Variants in AOPEP observed in about 807,000 individuals in gnomAD.
The protein encoded by AOPEP is aminopeptidase O.
AOPEP carries 77 observed loss-of-function variants against 98.1 expected under a neutral mutation model. That is an observed-to-expected ratio of 0.78 (90% confidence interval 0.65 to 0.95). The LOEUF (loss-of-function observed/expected upper bound fraction) is 0.95. Ranked by LOEUF, AOPEP falls within the 40% of genes least tolerant of loss-of-function variation. The pLI, the probability that AOPEP is intolerant of heterozygous loss-of-function variation, is 0.00. For missense variants in AOPEP, 1,024 were observed against 1,024.7 expected (o/e 1.00, Z 0.01); for synonymous variants, 346 against 365.3 (o/e 0.95, Z 0.60).
At chr9:95,102,320 G>A in the AOPEP span, among the ~76,000 whole-genome samples, 10 of 152,294 alleles carry the variant, frequency 6.6e-5, no homozygotes, top group Admixed American at 1.3e-4. Flanking sequence ...GCTAGCAACC[G>A]GACCTACTTG....
the AOPEP span, chr9:95,099,265 T>G: frequency 4.6e-6 from 1 of 219,484 alleles, no homozygotes; most frequent in Non-Finnish European, 9.1e-6. Context: ...TCAGGGAGAG[T>G]CTACAAAAAC....
intron 5 of AOPEP, among the ~76,000 whole-genome samples, chr9:94,822,691 A>G (rs1286438765): frequency 1.3e-5 from 2 of 152,202 alleles, no homozygotes; most frequent in African/African-American, 4.8e-5. Flanking sequence ...CTGAAACCAG[A>G]CACAACAAGC....
At chr9:95,119,887 T>C in the AOPEP span, among the ~76,000 whole-genome samples, 7 of 152,140 alleles carry the variant, frequency 4.6e-5, no homozygotes, top group Admixed American at 6.5e-5. Context: ...AAATTTTGTA[T>C]TTTTTGTAGA....
intron 14 of AOPEP, 117 bp downstream of exon 14, chr9:95,060,927 T>G: frequency 1.4e-6 from 1 of 728,504 alleles, no homozygotes. Context: ...AAATCTCATG[T>G]GTTTGCTGTA....
intron 5 of AOPEP, among the ~76,000 whole-genome samples, chr9:94,864,064 A>T (rs1011336924): frequency 3.3e-5 from 5 of 152,184 alleles, no homozygotes; most frequent in African/African-American, 1.2e-4. Context: ...ATTTGGATGA[A>T]ATAAGGTATG....
chr9:94,731,620 C>T (rs2131682057), intron 1 of AOPEP, among the ~76,000 whole-genome samples: 1 of 152,010 alleles, frequency 6.6e-6, no homozygotes, highest in South Asian at 2.1e-4. Context: ...CTCCAAAAAG[C>T]CCTGGTTTCT....
At position 95,031,177 on chromosome 9, in the gene AOPEP, A is replaced by G. The variant is rs367888926; in HGVS notation, c.2115+25561A>G. 7.3e-4 allele frequency among the ~76,000 whole-genome samples: 111 copies of G among 152,336 alleles called. 1 individual carries two copies. In the South Asian group the frequency reaches 0.022, roughly 30 times the overall value. On this transcript the variant is annotated intron_variant, in intron 13 of 16. Transcript: ENST00000375315. Reference sequence around the variant, plus strand: ...TGAGCTCTGGTGGTGTTAACAGCACAAAGTGTTAAATATAAATATGCGTGG... The same window carrying G: ...TGAGCTCTGGTGGTGTTAACAGCACGAAGTGTTAAATATAAATATGCGTGG...
chr9:95,034,979 C>CTTTTTT (rs34875677), intron 13 of AOPEP, among the ~76,000 whole-genome samples: 2 of 144,600 alleles, frequency 1.4e-5, no homozygotes. Context: ...TTTCTTTTTT[C>CTTTTTT]TTTTTTTTTT....
intron 7 of AOPEP, among the ~76,000 whole-genome samples, chr9:94,941,654 G>A (rs898012568): frequency 2.0e-5 from 3 of 152,192 alleles, no homozygotes; most frequent in African/African-American, 7.2e-5. Flanking sequence ...TGACAGACAT[G>A]TCCTGAATAA....
At chr9:95,140,871 A>G in the AOPEP span, among the ~76,000 whole-genome samples, 1 of 152,150 alleles carries the variant, frequency 6.6e-6, no homozygotes, top group Non-Finnish European at 1.5e-5. Flanking sequence ...ACTTCTCAAA[A>G]GGCAGCCACC....
intron 13 of AOPEP, among the ~76,000 whole-genome samples, chr9:95,044,591 G>A (rs150052593): frequency 1.3e-5 from 2 of 152,336 alleles, no homozygotes; most frequent in African/African-American, 4.8e-5. Context: ...CTTGAAAAAC[G>A]TGACCCCTTG....
intron 5 of AOPEP, among the ~76,000 whole-genome samples, chr9:94,905,041 C>T (rs2050928850): frequency 3.3e-5 from 5 of 152,312 alleles, no homozygotes; most frequent in Admixed American, 3.3e-4. Context: ...GGGGGTTTGA[C>T]AGCATGAATG....
intron 5 of AOPEP, among the ~76,000 whole-genome samples, chr9:94,906,866 G>A (rs530891730): frequency 5.9e-5 from 9 of 152,234 alleles, no homozygotes; most frequent in East Asian, 5.8e-4. Flanking sequence ...TCTATGTCCT[G>A]TTTGCCCAAC....
chr9:95,078,493 T>TA (rs1246020053), intron 14 of AOPEP, among the ~76,000 whole-genome samples: 1 of 152,238 alleles, frequency 6.6e-6, no homozygotes, highest in Non-Finnish European at 1.5e-5. Context: ...TAGAACACTT[T>TA]AAAGAACACT....
At chr9:94,768,934 C>T (rs1283259128) in intron 2 of AOPEP, among the ~76,000 whole-genome samples, 1 of 152,252 alleles carries the variant, frequency 6.6e-6, no homozygotes, top group African/African-American at 2.4e-5. Flanking sequence ...GGCCGAGGTG[C>T]AAGGCTGTGC....
chr9:95,063,309 G>T (rs1162214336), intron 14 of AOPEP, among the ~76,000 whole-genome samples: 2 of 152,226 alleles, frequency 1.3e-5, no homozygotes, highest in East Asian at 3.9e-4. Flanking sequence ...CTCTTAAGCT[G>T]TAAAAATAGC....
intron 5 of AOPEP, among the ~76,000 whole-genome samples, chr9:94,888,554 G>A (rs550366792): frequency 9.8e-4 from 149 of 152,258 alleles, no homozygotes; most frequent in African/African-American, 3.5e-3. Context: ...CTAGTCTGTC[G>A]TTGTCTGAGA....
intron 16 of AOPEP, chr9:95,083,014 G>C: frequency 3.2e-6 from 1 of 307,712 alleles, no homozygotes; most frequent in Non-Finnish European, 6.1e-6. Flanking sequence ...TTTATAATCT[G>C]TTGAAACAAA....
chr9:95,124,347 G>A, the AOPEP span, among the ~76,000 whole-genome samples: 2 of 152,074 alleles, frequency 1.3e-5, no homozygotes, highest in African/African-American at 2.4e-5. Context: ...AGAAATCAAG[G>A]CCAAATATAT....
Sources: allele counts gnomAD v4.1 joint callset (sites outside exome capture counted in the v4.1 genomes callset), GRCh38; gene constraint gnomAD v4.1.1; transcripts MANE v1.5; gene names NCBI Gene and HGNC (gene_info 2026-07-23, HGNC 2026-07-21).